ORC3: variants seen among roughly 807,000 people sequenced by gnomAD.
ORC3 encodes homolog of latheo, Drosophila.
In ORC3, 78 loss-of-function variants were observed where a neutral mutation model predicts 100.7. That is an observed-to-expected ratio of 0.77 (90% CI 0.65 to 0.94). The LOEUF is 0.94. Among genes scored for constraint, ORC3 ranks in the 40% least tolerant of loss-of-function variants. The pLI is 0.00. For synonymous variants in ORC3, 295 were observed against 289.3 expected (o/e 1.02, Z -0.20); for missense variants, 789 against 823.9 (o/e 0.96, Z 0.52).
chr6:87,634,782 T>C, intron 11 of ORC3, 63 bp from the exon 12 acceptor site: 1 of 803,992 alleles, frequency 1.2e-6, no homozygotes, highest in Non-Finnish European at 2.1e-6. Context: ...ATGAAGTAGA[T>C]TGTATTATTA....
rs1197862012 is a variant in ORC3, at chr6:87,607,763, C to T, written c.518C>T (p.Thr173Ile). 1.9e-6 allele frequency: 3 copies of T among 1,612,366 alleles called. No individual in the cohort carries two copies. The highest frequency in any genetic ancestry group is 2.5e-6 in the Non-Finnish European group (3 of 1,178,736). ...KSKEEESVHV[T>I]QRKTHYSMDS... is the part of the protein sequence containing the mutation. ...AAAGAGGAGGAAAGTGTTCACGTCACCCAAAGAAAGACACATTATTCAATG... is the reference window on the plus strand; with the variant it reads ...AAAGAGGAGGAAAGTGTTCACGTCATCCAAAGAAAGACACATTATTCAATG... Residue 173 changes from threonine to isoleucine, a missense_variant, in exon 6 of 20, where the codon ACC becomes ATC. Coordinates refer to ENST00000392844, the MANE Select transcript of ORC3 (RefSeq NM_012381.4).
chr6:87,614,812 T>C (rs1779041844), intron 8 of ORC3, among the ~76,000 whole-genome samples: 1 of 152,194 alleles, frequency 6.6e-6, no homozygotes, highest in Admixed American at 6.5e-5. Flanking sequence ...ATTGTCCATA[T>C]CATTATCAGC....
chr6:87,667,239 C>T lies in ORC3; in HGVS notation c.*116C>T. On this transcript the variant is annotated 3_prime_UTR_variant, in exon 20 of 20. Coordinates refer to ENST00000392844, the MANE Select transcript of ORC3 (RefSeq NM_012381.4). ...GTTGAGAAGATAAATGTGTAACCCCCATTGATGTTTAACCAGAAAAGTACA... is the reference window on the plus strand; with the variant it reads ...GTTGAGAAGATAAATGTGTAACCCCTATTGATGTTTAACCAGAAAAGTACA... The T allele has an allele frequency of 1.6e-6, 1 of 606,658 alleles. No homozygotes were observed. The highest frequency in any genetic ancestry group is 2.4e-5 in the South Asian group (1 of 41,538). The allele number at this position is 606,658 out of a possible 1,614,324, so 37.6% of individuals were successfully genotyped here. A position where few individuals can be genotyped will look rare whatever the true frequency, so the allele number is the denominator to read the frequency against.
intron 16 of ORC3, among the ~76,000 whole-genome samples, chr6:87,661,305 GTAAT>G (rs1166690283): frequency 6.6e-6 from 1 of 152,044 alleles, no homozygotes; most frequent in Non-Finnish European, 1.5e-5. Context: ...TTAACCTTGA[GTAAT>G]TAAGATGTTA....
intron 16 of ORC3, among the ~76,000 whole-genome samples, chr6:87,660,314 T>C (rs1770084477): frequency 6.6e-6 from 1 of 152,320 alleles, no homozygotes; most frequent in East Asian, 1.9e-4. Context: ...GGGAAGAGAT[T>C]AGAATTGTAG....
chr6:87,659,215 C>T (rs1369635916), intron 16 of ORC3, among the ~76,000 whole-genome samples: 3 of 151,862 alleles, frequency 2.0e-5, no homozygotes, highest in Non-Finnish European at 2.9e-5. Flanking sequence ...AGGCATGTGC[C>T]AACAGGCCTG....
chr6:87,595,621 A>G (rs1582991366), intron 2 of ORC3, among the ~76,000 whole-genome samples: 1 of 152,152 alleles, frequency 6.6e-6, no homozygotes, highest in Non-Finnish European at 1.5e-5. Context: ...TGCACCCTCC[A>G]TCATCTCTCG....
intron 11 of ORC3, among the ~76,000 whole-genome samples, chr6:87,624,309 C>T (rs1309022387): frequency 2.0e-5 from 3 of 152,090 alleles, no homozygotes; most frequent in East Asian, 3.9e-4. Flanking sequence ...TATGGTGAAA[C>T]CCTGTCTCTA....
the ORC3 span, among the ~76,000 whole-genome samples, chr6:87,674,332 TTTC>T: frequency 6.7e-6 from 1 of 149,918 alleles, no homozygotes; most frequent in African/African-American, 2.5e-5. Flanking sequence ...AAAATTCCTT[TTTC>T]TTCTAACTTG....
At chr6:87,621,118 A>G (rs180690305) in intron 9 of ORC3, among the ~76,000 whole-genome samples, 13 of 152,100 alleles carry the variant, frequency 8.5e-5, no homozygotes, top group Admixed American at 1.3e-4. Flanking sequence ...AGTTTATCTT[A>G]GTTTGTATTT....
chr6:87,636,646 A>G (rs1044560253), intron 13 of ORC3, among the ~76,000 whole-genome samples, 160 bp downstream of exon 13: 4 of 152,246 alleles, frequency 2.6e-5, no homozygotes, highest in African/African-American at 4.8e-5. Flanking sequence ...GTAGCTTATG[A>G]TGTTTTTAAT....
intron 8 of ORC3, among the ~76,000 whole-genome samples, chr6:87,615,897 T>A (rs1779120716): frequency 6.6e-6 from 1 of 152,210 alleles, no homozygotes; most frequent in Admixed American, 6.5e-5. Context: ...TTTGTGTTTC[T>A]CATTCAACAA....
At chr6:87,610,302 G>A (rs948171782) in intron 7 of ORC3, among the ~76,000 whole-genome samples, 4 of 151,922 alleles carry the variant, frequency 2.6e-5, no homozygotes, top group African/African-American at 4.8e-5. Flanking sequence ...TCCGCCTCCC[G>A]GGTTCAAGCA....
chr6:87,657,894 A>G (rs1255951194), intron 15 of ORC3, 27 bp from the exon 16 acceptor site: 2 of 1,284,188 alleles, frequency 1.6e-6, no homozygotes, highest in Non-Finnish European at 2.3e-6. Flanking sequence ...GAGGATCACC[A>G]GAAAAGCTAT....
At chr6:87,638,125 A>G (rs1767964127) in intron 13 of ORC3, among the ~76,000 whole-genome samples, 4 of 152,242 alleles carry the variant, frequency 2.6e-5, no homozygotes, top group African/African-American at 4.8e-5. Context: ...AAAAAATAGA[A>G]AATGAGATTT....
Position 87,612,129 on chromosome 6 carries a change from A to G in ORC3, c.754A>G (p.Ile252Val), listed in dbSNP as rs759240308. The change falls in exon 8 of 20, where the codon ATA becomes GTA. Residue 252 changes from isoleucine to valine, a missense_variant. Ile to Val is a conservative substitution (Grantham distance 29). Around this residue, in one of 3 missense-constraint regions of ORC3, gnomAD observed 399 missense variants for 382.0 expected, o/e 1.04. Transcript: ENST00000392844. ...HEFPLILIFG[I>V]ATSPIIIHRL... Reference sequence around the variant, plus strand: ...ATTTCCACTAATACTCATTTTTGGAATAGCCACATCTCCTATTATCATCCA... The same window carrying G: ...ATTTCCACTAATACTCATTTTTGGAGTAGCCACATCTCCTATTATCATCCA... 12 of 1,613,452 alleles carry G rather than the reference A, an allele frequency of 7.4e-6. No homozygotes were observed. The highest frequency in any genetic ancestry group is 1.0e-5 in the Non-Finnish European group (12 of 1,179,838).
At chr6:87,653,836 C>G (rs1769462920) in intron 14 of ORC3, among the ~76,000 whole-genome samples, 1 of 152,170 alleles carries the variant, frequency 6.6e-6, no homozygotes, top group Non-Finnish European at 1.5e-5. Flanking sequence ...CAGTTTCTCT[C>G]TTTTGCTTGA....
At position 87,609,132 on chromosome 6, in the gene ORC3, A is replaced by C. The variant is rs1387004830; in HGVS notation, c.616A>C (p.Thr206Pro). The C allele has an allele frequency of 1.2e-6, 2 of 1,604,368 alleles. No individual in the cohort carries two copies. Among genetic ancestry groups the C allele is most frequent in the Non-Finnish European group, 1.7e-6 (2 of 1,177,756 alleles). ...AAAAATGCTAAGCAAAAAAAGGACT[A>C]CTTCTAGCCAATGGCAGTCTCCTCC... ...DPKMLSKKRT[T>P]SSQWQSPPVV... Residue 206 changes from threonine (T) to proline (P), a missense_variant, in exon 7 of 20, where the codon ACT becomes CCT. Physicochemically the swap from Thr to Pro is conservative, Grantham distance 38. This residue lies in a region of ORC3 where 399 missense variants were observed against 382.0 expected (regional missense o/e 1.04). Transcript: ENST00000392844.
At chr6:87,673,414 G>A in the ORC3 span, among the ~76,000 whole-genome samples, 2 of 151,974 alleles carry the variant, frequency 1.3e-5, no homozygotes, top group African/African-American at 4.8e-5. Context: ...GGGTTTAACT[G>A]GCCTCTAGTG....
Sources: gnomAD v4.1 joint callset for allele counts (sites outside exome capture counted in the v4.1 genomes callset) on GRCh38, gnomAD v4.1.1 for gene constraint, gnomAD v4.1.1 regional missense constraint, MANE v1.5 for transcripts, NCBI Gene and HGNC (gene_info 2026-07-23, HGNC 2026-07-21) for gene names.